Variants in SPTBN1 observed in about 807,000 individuals in gnomAD.
SPTBN1 encodes the protein spectrin beta chain, non-erythrocytic 1.
A neutral mutation model predicts 266.4 loss-of-function variants in SPTBN1; 32 were observed. The observed-to-expected ratio is 0.12, with a 90% CI of 0.09 to 0.16. The LOEUF (loss-of-function observed/expected upper bound fraction) is 0.16, where lower values mean the gene tolerates loss of function less well. Ranked by LOEUF, SPTBN1 falls within the 10% of genes least tolerant of loss-of-function variation. The pLI is 1.00. For synonymous variants in SPTBN1, 1,336 were observed against 1,162.2 expected (o/e 1.15, Z -3.04); for missense variants, 2,296 against 3,067.1 (o/e 0.75, Z 5.94).
rs543986723 is a variant in SPTBN1, at chr2:54,511,979, G to A, written c.-47-14393G>A. 3.3e-5 allele frequency among the ~76,000 whole-genome samples: 5 copies of A among 152,314 alleles called. No homozygotes were observed. In the East Asian group the frequency reaches 9.7e-4, roughly 29 times the overall value. On this transcript the variant is annotated intron_variant, in intron 1 of 35. Coordinates refer to ENST00000356805, the MANE Select transcript of SPTBN1 (RefSeq NM_003128.3). ...TGGTCCATCGGCAGGGGTGATAGAA[G>A]ACAGTGACAGATCGTCTGGCGTTAG...
chr2:54,566,185 CTTTTTTTTTTTTT>C (rs59369956), intron 2 of SPTBN1, among the ~76,000 whole-genome samples: 1 of 125,224 alleles, frequency 8.0e-6, no homozygotes, highest in African/African-American at 3.1e-5. Context: ...TTTCTTTTTT[CTTTTTTTTTTTTT>C]TTTTTGTTGA....
chr2:54,536,411 A>C (rs1671603019), intron 2 of SPTBN1, among the ~76,000 whole-genome samples: 1 of 152,208 alleles, frequency 6.6e-6, no homozygotes, highest in South Asian at 2.1e-4. Flanking sequence ...TAATTTTCTA[A>C]TTAGGAGAGA....
chr2:54,503,203 T>C (rs1360664273), intron 1 of SPTBN1, among the ~76,000 whole-genome samples: 1 of 152,248 alleles, frequency 6.6e-6, no homozygotes, highest in Non-Finnish European at 1.5e-5. Flanking sequence ...CATGCTGATA[T>C]ATTATGCTCA....
At chr2:54,580,685 T>A (rs1674833560) in intron 2 of SPTBN1, among the ~76,000 whole-genome samples, 1 of 152,102 alleles carries the variant, frequency 6.6e-6, no homozygotes, top group African/African-American at 2.4e-5. Context: ...ACTAGTTAAT[T>A]CTGAAAGGGT....
intron 2 of SPTBN1, among the ~76,000 whole-genome samples, chr2:54,547,832 A>G (rs534005545): frequency 1.3e-5 from 2 of 152,284 alleles, no homozygotes; most frequent in South Asian, 4.1e-4. Context: ...CTTTCTCTTC[A>G]TTCTTCACCT....
At chr2:54,647,520 G>T (rs1423391741) in intron 24 of SPTBN1, among the ~76,000 whole-genome samples, 2 of 152,190 alleles carry the variant, frequency 1.3e-5, no homozygotes, top group Non-Finnish European at 2.9e-5. Context: ...GAATATTGGT[G>T]TCGTGAGTCA....
chr2:54,592,662 T>A (rs1675760557), intron 2 of SPTBN1, among the ~76,000 whole-genome samples: 1 of 152,250 alleles, frequency 6.6e-6, no homozygotes. Context: ...TGCTGGGAAT[T>A]ACAGGTGTGA....
At chr2:54,589,894 G>A (rs1489328127) in intron 2 of SPTBN1, among the ~76,000 whole-genome samples, 1 of 152,076 alleles carries the variant, frequency 6.6e-6, no homozygotes, top group African/African-American at 2.4e-5. Flanking sequence ...TTTGTTTTGA[G>A]TTAAGATCCT....
intron 1 of SPTBN1, among the ~76,000 whole-genome samples, chr2:54,510,872 T>C (rs1669823737): frequency 6.6e-6 from 1 of 152,228 alleles, no homozygotes; most frequent in Non-Finnish European, 1.5e-5. Flanking sequence ...TTATACCTGA[T>C]TGAAGACTTC....
Position 54,664,871 on chromosome 2 carries a change from T to G in SPTBN1, c.6659+180T>G. 1 of 645,464 alleles carries G rather than the reference T, an allele frequency of 1.5e-6. No individual in the cohort carries two copies. Among genetic ancestry groups the G allele is most frequent in the Non-Finnish European group, 2.6e-6 (1 of 383,124 alleles). The allele number at this position is 645,464 out of a possible 1,614,324, so 40.0% of individuals were successfully genotyped here. On this transcript the variant is annotated intron_variant, in intron 33 of 35. Coordinates refer to ENST00000356805, the MANE Select transcript of SPTBN1 (RefSeq NM_003128.3). The surrounding 1 kb of genome is among the most constrained non-coding windows in gnomAD (Gnocchi z 5.6). Reference sequence around the variant, plus strand: ...AAAGCAGGAGTAGAATGCTGGTTATTCACTGAGAGAAGAAGAGTTGAGTTT... The same window carrying G: ...AAAGCAGGAGTAGAATGCTGGTTATGCACTGAGAGAAGAAGAGTTGAGTTT...
intron 2 of SPTBN1, among the ~76,000 whole-genome samples, chr2:54,585,193 G>A (rs1174649486): frequency 1.3e-5 from 2 of 152,150 alleles, no homozygotes; most frequent in Non-Finnish European, 2.9e-5. Flanking sequence ...ATATGACCAA[G>A]ACCATACATT....
chr2:54,522,080 T>C (rs1315325505), intron 1 of SPTBN1, among the ~76,000 whole-genome samples: 2 of 151,230 alleles, frequency 1.3e-5, no homozygotes, highest in Non-Finnish European at 2.9e-5. Context: ...TTTTTTATTT[T>C]TGTGGAGATG....
At position 54,637,733 on chromosome 2, in the gene SPTBN1, C is replaced by T. The variant is rs1275214527; in HGVS notation, c.3788C>T (p.Thr1263Ile). 2 of 1,613,672 alleles carry T rather than the reference C, an allele frequency of 1.2e-6. No individual in the cohort carries two copies. Among genetic ancestry groups the T allele is most frequent in the Admixed American group, 1.7e-5 (1 of 59,990 alleles). Residue 1263 changes from threonine to isoleucine, a missense_variant, in exon 18 of 36, where the codon ACA becomes ATA. By Grantham distance (89) the Thr-to-Ile change is moderately conservative. Transcript: ENST00000356805. ...AATAGACATAGGAAGAATCGTGAGA[C>T]AGCCAGTGAACTTTTGATGAGGTTG... is the stretch of plus-strand genomic sequence containing the variant. ...IDDRHRKNRE[T>I]ASELLMRLKD...
chr2:54,559,220 G>C (rs1217071516), intron 2 of SPTBN1, among the ~76,000 whole-genome samples: 1 of 152,042 alleles, frequency 6.6e-6, no homozygotes, highest in African/African-American at 2.4e-5. Context: ...TTTGATTCCG[G>C]GTCGCCTCTG....
chr2:54,579,362 G>T (rs1318904891), intron 2 of SPTBN1, among the ~76,000 whole-genome samples: 1 of 152,164 alleles, frequency 6.6e-6, no homozygotes, highest in East Asian at 1.9e-4. Context: ...CTGATTCTCT[G>T]CTCATGTGTG....
At chr2:54,604,908 C>T (rs184877056) in intron 3 of SPTBN1, among the ~76,000 whole-genome samples, 21 of 152,282 alleles carry the variant, frequency 1.4e-4, no homozygotes, top group Admixed American at 9.8e-4. Context: ...TGCAGAGCCC[C>T]GATAGTCACA....
In SPTBN1 at chr2:54,554,919, G is replaced by A. The variant is rs983743693; in HGVS notation, c.148+28353G>A. Among the ~76,000 whole-genome samples the A allele has an allele frequency of 3.9e-5, 6 of 152,000 alleles. No individual in the cohort carries two copies. The highest frequency in any genetic ancestry group is 1.9e-4 in the East Asian group (1 of 5,200). ...GTCTCATCTTCATAGCTTCTTCTTC[G>A]TCCTCCTCCTCCTCCTTTCTCGTTA... On this transcript the variant is annotated intron_variant, in intron 2 of 35. Coordinates refer to ENST00000356805, the MANE Select transcript of SPTBN1 (RefSeq NM_003128.3). This position sits in a 1 kb window ranked among gnomAD's most constrained non-coding sequence, Gnocchi z 4.5.
intron 1 of SPTBN1, among the ~76,000 whole-genome samples, chr2:54,517,802 C>T (rs1445621513): frequency 6.6e-6 from 1 of 152,038 alleles, no homozygotes; most frequent in Admixed American, 6.6e-5. Flanking sequence ...CCCGCCACCT[C>T]GCCCAGCTAA....
intron 2 of SPTBN1, chr2:54,529,516 G>A (rs61743072): frequency 0.015 from 10,387 of 710,554 alleles, 495 homozygotes; most frequent in African/African-American, 0.13. Context: ...TCTGGAGGCC[G>A]CCCAGATATC....
Sources: allele counts gnomAD v4.1 joint callset (sites outside exome capture counted in the v4.1 genomes callset), GRCh38; gene constraint gnomAD v4.1.1; non-coding constraint Gnocchi (gnomAD v3.1); transcripts MANE v1.5; gene names NCBI Gene and HGNC (gene_info 2026-07-23, HGNC 2026-07-21).